Variants in GLG1 observed in about 807,000 individuals in gnomAD.
GLG1 encodes golgi glycoprotein 1, also known as Golgi apparatus protein 1.
Under a neutral mutation model 160.5 loss-of-function variants are expected in GLG1, and 38 were observed. That is an observed-to-expected ratio of 0.24 (90% CI 0.18 to 0.31). The LOEUF (loss-of-function observed/expected upper bound fraction) is 0.31. Among genes scored for constraint, GLG1 ranks in the 10% least tolerant of loss-of-function variants. The pLI, the probability that GLG1 is intolerant of heterozygous loss-of-function variation, is 1.00. For synonymous variants in GLG1, 644 were observed against 543.4 expected, an observed-to-expected ratio of 1.19 and a Z score of -2.57; for missense variants, 1,373 against 1,505.2, an observed-to-expected ratio of 0.91 and a Z score of 1.45.
chr16:74,565,694 T>C (rs1352151285), intron 1 of GLG1, among the ~76,000 whole-genome samples: 1 of 152,186 alleles, frequency 6.6e-6, no homozygotes, highest in Non-Finnish European at 1.5e-5. Context: ...AGCACCAGAG[T>C]AGTTCTCAAC....
chr16:74,450,977 G>A lies in GLG1; in HGVS notation c.*2190C>T, dbSNP rs1260024212. 1 of 152,124 alleles carries A rather than the reference G, an allele frequency of 6.6e-6. No individual in the cohort carries two copies. Among genetic ancestry groups the A allele is most frequent in the Non-Finnish European group, 1.5e-5 (1 of 68,018 alleles). The allele number at this position is 152,124 out of a possible 1,614,324, so 9.4% of individuals were successfully genotyped here. On this transcript the variant is annotated 3_prime_UTR_variant, in exon 26 of 26. Coordinates refer to ENST00000422840, the MANE Select transcript of GLG1 (RefSeq NM_001145667.2). ...ATATCAACACAATTAGAACTATAAG[G>A]GTGTTTACGCATACTGGGAAGGAGA...
rs1404530247 is a variant in GLG1 at position 74,503,632 on chromosome 16, C to T, written c.673G>A (p.Ala225Thr). Residue 225 changes from alanine (A) to threonine (T), a missense_variant, in exon 4 of 26, where the codon GCC becomes ACC. This residue lies in a region of GLG1 where 174 missense variants were observed against 229.9 expected (regional missense o/e 0.76). Coordinates refer to ENST00000422840, the MANE Select transcript of GLG1 (RefSeq NM_001145667.2). ...AAACGGTAATCACTAAAAATGATGG[C>T]CGTCATCTTGGTAATGTACTGGTGA... ...QCHQYITKMTAIIFSDYRLIC... is the reference protein window; with the variant it reads ...QCHQYITKMTTIIFSDYRLIC... 8 of 1,612,762 alleles carry T rather than the reference C, an allele frequency of 5.0e-6. No individual in the cohort carries two copies. The highest frequency in any genetic ancestry group is 1.3e-5 in the African/African-American group (1 of 74,884).
Position 74,598,568 on chromosome 16 carries a change from C to T in GLG1, c.438+8089G>A, listed in dbSNP as rs569186620. Among the ~76,000 whole-genome samples the T allele has an allele frequency of 3.3e-3, 491 of 149,830 alleles. 1 individual carries two copies. Among genetic ancestry groups the T allele is most frequent in the Non-Finnish European group, 5.3e-3 (358 of 67,500 alleles). ...AAGAAAAATTAATTTACATGATAGC[C>T]TATAAGCCATTTTAACTGCTGCTTT... is the stretch of plus-strand genomic sequence containing the variant. On this transcript the variant is annotated intron_variant, in intron 1 of 25. Coordinates refer to ENST00000422840, the MANE Select transcript of GLG1 (RefSeq NM_001145667.2).
In GLG1 at chr16:74,603,115, AG is replaced by A. The variant is rs1456660789; in HGVS notation, c.438+3541del. ...AAACAACAACAACAACAACAACAGC[AG>A]CAGCAGCAGCAGCAGCCAGGCGCAA... On this transcript the variant is annotated intron_variant, in intron 1 of 25. Transcript: ENST00000422840. 2.7e-3 allele frequency among the ~76,000 whole-genome samples: 409 copies of A among 151,180 alleles called. 1 individual carries two copies. The highest frequency in any genetic ancestry group is 8.4e-3 in the African/African-American group (347 of 41,378).
intron 1 of GLG1, among the ~76,000 whole-genome samples, chr16:74,589,631 G>A (rs1870898981): frequency 6.6e-6 from 1 of 152,200 alleles, no homozygotes; most frequent in Admixed American, 6.5e-5. Flanking sequence ...CGAAGCAGAG[G>A]CAAGCAGGCT....
Position 74,468,928 on chromosome 16 carries a change from G to C in GLG1, c.2436+18C>G. 6.8e-7 allele frequency: 1 copy of C among 1,465,692 alleles called. No individual in the cohort carries two copies. Among genetic ancestry groups the C allele is most frequent in the South Asian group, 1.1e-5 (1 of 88,186 alleles). The allele number at this position is 1,465,692 out of a possible 1,614,324, so 90.8% of individuals were successfully genotyped here. A position where few individuals can be genotyped will look rare whatever the true frequency, so the allele number is the denominator to read the frequency against. On this transcript the variant is annotated intron_variant, in intron 17 of 25. Coordinates refer to ENST00000422840, the MANE Select transcript of GLG1 (RefSeq NM_001145667.2). ...TGGCCCACTGTGGTTTCTGGGAGCA[G>C]AGGCTGGGAGGCATTACCATCTCCA...
intron 1 of GLG1, among the ~76,000 whole-genome samples, chr16:74,596,205 G>C (rs1344957529): frequency 6.6e-6 from 1 of 150,890 alleles, no homozygotes; most frequent in African/African-American, 2.4e-5. Flanking sequence ...CTGGGCAACA[G>C]AGCGAGACTC....
At chr16:74,548,839 T>C (rs2018120184) in intron 1 of GLG1, among the ~76,000 whole-genome samples, 1 of 151,944 alleles carries the variant, frequency 6.6e-6, no homozygotes, top group Non-Finnish European at 1.5e-5. Context: ...CTACTAAAAA[T>C]AGAAGAATTA....
chr16:74,486,056 A>G, intron 8 of GLG1, 139 bp from the exon 9 acceptor site: 1 of 618,982 alleles, frequency 1.6e-6, no homozygotes, highest in Non-Finnish European at 2.8e-6. Context: ...TCACTAGCCA[A>G]GCTCAAGAGC....
intron 3 of GLG1, among the ~76,000 whole-genome samples, chr16:74,505,768 T>C (rs934726287): frequency 1.3e-5 from 2 of 152,192 alleles, no homozygotes; most frequent in Non-Finnish European, 1.5e-5. Flanking sequence ...GGCAGGAGAA[T>C]TGCTAGAACC....
At chr16:74,527,645 CT>C (rs2017382697) in intron 2 of GLG1, among the ~76,000 whole-genome samples, 1 of 152,096 alleles carries the variant, frequency 6.6e-6, no homozygotes, top group Non-Finnish European at 1.5e-5. Context: ...ATTTGTGATC[CT>C]TTTACCTTCA....
At chr16:74,508,951 CA>C in intron 2 of GLG1, 26 bp from the exon 3 acceptor site, 1 of 890,182 alleles carries the variant, frequency 1.1e-6, no homozygotes. Context: ...AAAAAAAAAA[CA>C]AAGAAAAACT....
chr16:74,582,831 A>G (rs539970589), intron 1 of GLG1, among the ~76,000 whole-genome samples: 3 of 2,952 alleles, frequency 1.0e-3, no homozygotes, highest in Non-Finnish European at 1.4e-3. Flanking sequence ...AAAAAAATAA[A>G]TAAAATAAAA....
chr16:74,579,408 C>T (rs1275558693), intron 1 of GLG1, among the ~76,000 whole-genome samples: 2 of 151,646 alleles, frequency 1.3e-5, no homozygotes. Context: ...AAAATGAGAA[C>T]TTGTCTCAAA....
chr16:74,587,710 A>G (rs906480392), intron 1 of GLG1, among the ~76,000 whole-genome samples: 1 of 152,208 alleles, frequency 6.6e-6, no homozygotes, highest in Admixed American at 6.5e-5. Flanking sequence ...CACTAAAAAT[A>G]CAAAAATTAG....
In GLG1 at chr16:74,453,092, G is replaced by C. The variant is rs2014390204; in HGVS notation, c.*75C>G. On this transcript the variant is annotated 3_prime_UTR_variant, in exon 26 of 26. Transcript: ENST00000422840. ...GTGTCACTTCTGAGAAGAGCGAGGT[G>C]AGTGGGGATGCTATACAAGAGGGCT... The C allele has an allele frequency of 3.2e-6, 5 of 1,558,914 alleles. No homozygotes were observed. Among genetic ancestry groups the C allele is most frequent in the East Asian group, 4.5e-5 (2 of 44,350 alleles).
chr16:74,563,749 A>G (rs2018573129), intron 1 of GLG1, among the ~76,000 whole-genome samples: 1 of 151,960 alleles, frequency 6.6e-6, no homozygotes, highest in African/African-American at 2.4e-5. Context: ...AAGAAAGAAA[A>G]AGAAAAAAAA....
chr16:74,494,461 C>T (rs190747981), intron 6 of GLG1, among the ~76,000 whole-genome samples: 281 of 133,638 alleles, frequency 2.1e-3, no homozygotes, highest in African/African-American at 7.2e-3. Flanking sequence ...GGCTGGAGTG[C>T]AGTGGTGCGA....
At chr16:74,486,373 T>G (rs2015786224) in intron 8 of GLG1, among the ~76,000 whole-genome samples, 3 of 152,228 alleles carry the variant, frequency 2.0e-5, no homozygotes, top group Non-Finnish European at 2.9e-5. Context: ...TTAAGTCAAG[T>G]GTGCTGTGCT....
Sources: gnomAD v4.1 joint callset for allele counts (sites outside exome capture counted in the v4.1 genomes callset) on GRCh38, gnomAD v4.1.1 for gene constraint, gnomAD v4.1.1 regional missense constraint, MANE v1.5 for transcripts, NCBI Gene and HGNC (gene_info 2026-07-23, HGNC 2026-07-21) for gene names.